The following DSCAM variants were observed in gnomAD, a reference collection of about 807,000 sequenced individuals.
DSCAM encodes DS cell adhesion molecule, also known as cell adhesion molecule DSCAM.
DSCAM carries 47 observed loss-of-function variants against 217.7 expected under a neutral mutation model. The ratio of observed to expected loss-of-function variants is 0.22; its 90% confidence interval spans 0.17 to 0.28. The LOEUF is 0.28. Ranked by LOEUF, DSCAM falls within the 10% of genes least tolerant of loss-of-function variation. The pLI is 1.00. For synonymous variants in DSCAM, 1,056 were observed against 1,015.3 expected (o/e 1.04, Z -0.76); for missense variants, 2,080 against 2,618.3 (o/e 0.79, Z 4.49).
At chr21:40,229,638 C>T (rs909231719) in intron 11 of DSCAM, among the ~76,000 whole-genome samples, 7 of 152,182 alleles carry the variant, frequency 4.6e-5, no homozygotes, top group African/African-American at 1.7e-4. Flanking sequence ...GCTTCTTTCC[C>T]TTAATATGCA....
At position 40,753,454 on chromosome 21, in the gene DSCAM, C is replaced by T. The variant is rs748774372; in HGVS notation, c.44-44683G>A. ...GAGAAGGGAGTGAGTAAATTACCTA[C>T]GGAAAGATGAAGCAACACATTTATA... On this transcript the variant is annotated intron_variant, in intron 1 of 32. Coordinates refer to ENST00000400454, the MANE Select transcript of DSCAM (RefSeq NM_001389.5). 4.6e-4 allele frequency among the ~76,000 whole-genome samples: 70 copies of T among 152,220 alleles called. 1 individual carries two copies. The highest frequency in any genetic ancestry group is 7.6e-4 in the Non-Finnish European group (52 of 68,014).
intron 3 of DSCAM, among the ~76,000 whole-genome samples, chr21:40,527,415 C>A (rs2076409115): frequency 6.6e-6 from 1 of 152,204 alleles, no homozygotes; most frequent in African/African-American, 2.4e-5. Context: ...TCTGCACACT[C>A]TCTCTCTGAA....
chr21:40,622,358 ATT>A (rs2089532596), intron 3 of DSCAM, among the ~76,000 whole-genome samples: 1 of 152,066 alleles, frequency 6.6e-6, no homozygotes, highest in African/African-American at 2.4e-5. Flanking sequence ...CTAAGTTTTC[ATT>A]GTCTTTGAGC....
intron 3 of DSCAM, among the ~76,000 whole-genome samples, chr21:40,374,712 G>A (rs547542697): frequency 6.6e-6 from 1 of 152,342 alleles, no homozygotes; most frequent in South Asian, 2.1e-4. Context: ...CTTTTGGGAA[G>A]TAATTAGGTA....
At chr21:40,798,211 C>T (rs539714940) in intron 1 of DSCAM, among the ~76,000 whole-genome samples, 12 of 151,706 alleles carry the variant, frequency 7.9e-5, no homozygotes, top group East Asian at 5.8e-4. Flanking sequence ...TGCTCCACCA[C>T]GAAGAAGGAA....
intron 3 of DSCAM, among the ~76,000 whole-genome samples, chr21:40,616,846 A>T (rs892041131): frequency 6.6e-6 from 1 of 151,338 alleles, no homozygotes; most frequent in Non-Finnish European, 1.5e-5. Flanking sequence ...TGAAACACCG[A>T]CTCTACTAAA....
chr21:40,206,116 CCACCCAGTTCT>C (rs2091122835), intron 11 of DSCAM, among the ~76,000 whole-genome samples: 1 of 152,176 alleles, frequency 6.6e-6, no homozygotes, highest in Admixed American at 6.5e-5. Flanking sequence ...TCTCTGAACT[CCACCCAGTTCT>C]AAGGATAGTA....
chr21:40,803,468 A>G (rs2091759996), intron 1 of DSCAM, among the ~76,000 whole-genome samples: 1 of 152,200 alleles, frequency 6.6e-6, no homozygotes, highest in Non-Finnish European at 1.5e-5. Context: ...TGTTCATGAA[A>G]GTGAAAGAGC....
At chr21:40,042,220 A>G in intron 32 of DSCAM, 151 bp downstream of exon 32, 1 of 811,970 alleles carries the variant, frequency 1.2e-6, no homozygotes, top group Non-Finnish European at 1.9e-6. Flanking sequence ...GTTTTAATCC[A>G]GTGAACTTTG....
Position 40,078,883 on chromosome 21 carries a change from G to A in DSCAM, c.4515C>T (p.Pro1505=), listed in dbSNP as rs1245352566. 6.2e-7 allele frequency: 1 copy of A among 1,614,204 alleles called. No homozygotes were observed. Among genetic ancestry groups the A allele is most frequent in the Non-Finnish European group, 8.5e-7 (1 of 1,180,040 alleles). Reference sequence around the variant, plus strand: ...TGTACTCTAGTGTGAAGGAGGTGATGGGGCAGCCGCCATCATTCCAGCCAA... The same window carrying A: ...TGTACTCTAGTGTGAAGGAGGTGATAGGGCAGCCGCCATCATTCCAGCCAA... The part of the protein sequence containing the change: ...NLIGWNDGGC[P]ITSFTLEYRP... The change falls in exon 26 of 33, where the codon CCC becomes CCT. Residue 1505 remains proline, a synonymous_variant. Coordinates refer to ENST00000400454, the MANE Select transcript of DSCAM (RefSeq NM_001389.5).
chr21:40,651,885 A>T (rs2090018270), intron 3 of DSCAM, among the ~76,000 whole-genome samples: 1 of 152,206 alleles, frequency 6.6e-6, no homozygotes, highest in Admixed American at 6.5e-5. Flanking sequence ...GACATTTTTT[A>T]AAATCTGTTG....
At chr21:40,030,370 G>C (rs567579480) in intron 32 of DSCAM, among the ~76,000 whole-genome samples, 53 of 152,302 alleles carry the variant, frequency 3.5e-4, no homozygotes, top group African/African-American at 9.1e-4. Flanking sequence ...TGAGTGCTGG[G>C]TGGAGAAGCA....
At chr21:40,365,972 A>G (rs373145916) in intron 4 of DSCAM, among the ~76,000 whole-genome samples, 11 of 152,130 alleles carry the variant, frequency 7.2e-5, no homozygotes, top group East Asian at 5.8e-4. Context: ...CTTGTTTATT[A>G]CATTTACTGT....
intron 1 of DSCAM, among the ~76,000 whole-genome samples, chr21:40,744,438 T>C (rs1245101599): frequency 1.3e-5 from 2 of 152,086 alleles, no homozygotes; most frequent in Non-Finnish European, 2.9e-5. Flanking sequence ...AGTCTTCCCC[T>C]GACCTGGAAA....
chr21:40,577,023 T>C (rs994240634), intron 3 of DSCAM, among the ~76,000 whole-genome samples: 77 of 150,878 alleles, frequency 5.1e-4, no homozygotes, highest in African/African-American at 1.8e-3. Flanking sequence ...AAGATGCAAA[T>C]TGGAAAGGGC....
chr21:40,310,633 G>C (rs2074127375), intron 9 of DSCAM, among the ~76,000 whole-genome samples: 1 of 152,192 alleles, frequency 6.6e-6, no homozygotes, highest in Non-Finnish European at 1.5e-5. Flanking sequence ...TGTACAAAAA[G>C]CATCCCCGTA....
At position 40,178,862 on chromosome 21, in the gene DSCAM, A is replaced by G. The variant is rs1214953806; in HGVS notation, c.2947+65T>C. ...CAAAGGTCTGCTTCTGCATTTAAGC[A>G]TCTGAGCCCTCAAGAGTTAGCTCCC... On this transcript the variant is annotated intron_variant, in intron 15 of 32. Coordinates refer to ENST00000400454, the MANE Select transcript of DSCAM (RefSeq NM_001389.5). The G allele has an allele frequency of 5.0e-6, 8 of 1,599,718 alleles. No homozygotes were observed. The African/African-American group carries it at 6.7e-5, about 13-fold the overall frequency.
chr21:40,770,274 C>G (rs575108944), intron 1 of DSCAM, among the ~76,000 whole-genome samples: 3 of 152,092 alleles, frequency 2.0e-5, no homozygotes, highest in African/African-American at 7.2e-5. Context: ...TCATTTTTAT[C>G]AAAATATAAA....
intron 3 of DSCAM, among the ~76,000 whole-genome samples, chr21:40,457,622 A>G (rs1254700102): frequency 1.3e-5 from 2 of 152,182 alleles, no homozygotes; most frequent in Non-Finnish European, 2.9e-5. Context: ...AACATCCCAC[A>G]TTTTCATATT....
Sources: allele counts gnomAD v4.1 joint callset (sites outside exome capture counted in the v4.1 genomes callset), GRCh38; gene constraint gnomAD v4.1.1; transcripts MANE v1.5; gene names NCBI Gene and HGNC (gene_info 2026-07-23, HGNC 2026-07-21).